Variants in GLS2 observed in about 807,000 individuals in gnomAD.
GLS2 encodes the protein glutaminase 2, also known as glutaminase liver isoform, mitochondrial.
A neutral mutation model predicts 79.0 loss-of-function variants in GLS2; 52 were observed. The observed-to-expected ratio is 0.66, with a 90% CI of 0.53 to 0.83. GLS2 has a LOEUF of 0.83. GLS2 is among the 40% of genes least tolerant of loss of function. GLS2 has a pLI of 0.00. For synonymous variants in GLS2, 238 were observed against 280.8 expected (o/e 0.85, Z 1.52); for missense variants, 561 against 764.8 (o/e 0.73, Z 3.14).
At chr12:56,487,833 A>G in intron 1 of GLS2, 104 bp downstream of exon 1, 1 of 1,276,858 alleles carries the variant, frequency 7.8e-7, no homozygotes, top group Non-Finnish European at 1.1e-6. Context: ...GAGCGAGGAG[A>G]GGGGAGATGA....
chr12:56,471,120 G>A lies in GLS2; in HGVS notation c.*367C>T, dbSNP rs1869223849. 2 of 396,594 alleles carry A rather than the reference G, an allele frequency of 5.0e-6. No homozygotes were observed. Among genetic ancestry groups the A allele is most frequent in the Admixed American group, 4.2e-5 (1 of 24,086 alleles). 24.6% of individuals were successfully genotyped at this position (396,594 alleles called of 1,614,324 possible). The stretch of plus-strand genomic sequence containing the variant: ...TCCCATATTCTGTGGATATGTACAT[G>A]TGCATGGTAGCTAGAGTCCCTCCAC... On this transcript the variant is annotated 3_prime_UTR_variant, in exon 18 of 18. Transcript: ENST00000311966.
chr12:56,472,840 A>C, intron 14 of GLS2, 89 bp from the exon 15 acceptor site: 1 of 1,060,722 alleles, frequency 9.4e-7, no homozygotes, highest in Middle Eastern at 2.0e-4. Flanking sequence ...TGCTTAGTCC[A>C]AGGGTATTGC....
rs376282222 is a variant in GLS2 at position 56,475,018 on chromosome 12, T to C, written c.996+26A>G. 5.0e-6 allele frequency: 8 copies of C among 1,613,940 alleles called. No homozygotes were observed. The African/African-American group carries it at 1.1e-4, about 22-fold the overall frequency. Reference sequence around the variant, plus strand: ...CACTAGCAGCAGAATTCCCAGGGACTTTCTCTTCCGGCCTCTTCTGGTTAC... The same window carrying C: ...CACTAGCAGCAGAATTCCCAGGGACCTTCTCTTCCGGCCTCTTCTGGTTAC... On this transcript the variant is annotated intron_variant, in intron 10 of 17. Transcript: ENST00000311966.
chr12:56,476,631 T>A (rs546737627), intron 7 of GLS2: 1 of 149,952 alleles, frequency 6.7e-6, no homozygotes, highest in South Asian at 2.1e-4. Context: ...TCTTGCTCTG[T>A]CGCCCAGGCT....
At chr12:56,474,774 TC>T in intron 11 of GLS2, 54 bp from the exon 12 acceptor site, 1 of 1,612,510 alleles carries the variant, frequency 6.2e-7, no homozygotes, top group South Asian at 1.1e-5. Context: ...CATGGGACCC[TC>T]GGGTGTAGGG....
At chr12:56,479,630 A>G in intron 3 of GLS2, 150 bp downstream of exon 3, 1 of 919,132 alleles carries the variant, frequency 1.1e-6, no homozygotes. Flanking sequence ...TTGAACTCTT[A>G]TGATGAGTAT....
chr12:56,471,134 G>C lies in GLS2; in HGVS notation c.*353C>G. The C allele has an allele frequency of 2.4e-6, 1 of 408,822 alleles. No individual in the cohort carries two copies. The allele number at this position is 408,822 out of a possible 1,614,324, so 25.3% of individuals were successfully genotyped here. ...GATATGTACATGTGCATGGTAGCTA[G>C]AGTCCCTCCACCAGAGTATCTCTCT... On this transcript the variant is annotated 3_prime_UTR_variant, in exon 18 of 18. Coordinates refer to ENST00000311966, the MANE Select transcript of GLS2 (RefSeq NM_013267.4).
At chr12:56,473,152 G>A in intron 14 of GLS2, 76 bp downstream of exon 14, 2 of 1,374,124 alleles carry the variant, frequency 1.5e-6, no homozygotes, top group Non-Finnish European at 2.1e-6. Context: ...GCCTCTCAAA[G>A]TGCAGGGATT....
chr12:56,477,827 C>A lies in GLS2; in HGVS notation c.778+106G>T. ...AAGACTGCTAGGGAGAAAGGCATGACAGGGCTAATCAGGAAGGGCAGAGAA... is the reference window on the plus strand; with the variant it reads ...AAGACTGCTAGGGAGAAAGGCATGAAAGGGCTAATCAGGAAGGGCAGAGAA... On this transcript the variant is annotated intron_variant, in intron 6 of 17. Coordinates refer to ENST00000311966, the MANE Select transcript of GLS2 (RefSeq NM_013267.4). 3.3e-6 allele frequency: 5 copies of A among 1,536,218 alleles called. No homozygotes were observed. In the East Asian group the frequency reaches 9.0e-5, roughly 28 times the overall value.
At chr12:56,478,606 G>T (rs917588425) in intron 4 of GLS2, 3 of 300,616 alleles carry the variant, frequency 1.0e-5, no homozygotes, top group African/African-American at 6.5e-5. Flanking sequence ...TCTAGGAATC[G>T]TGTATAGAAA....
chr12:56,473,789 A>G (rs1430945880), intron 12 of GLS2, 195 bp from the exon 13 acceptor site: 6 of 645,408 alleles, frequency 9.3e-6, no homozygotes, highest in Non-Finnish European at 4.9e-6. Flanking sequence ...CAGCTAGAAA[A>G]TATTTTTTGA....
chr12:56,482,612 G>C (rs1279033360), intron 1 of GLS2, among the ~76,000 whole-genome samples: 1 of 152,198 alleles, frequency 6.6e-6, no homozygotes, highest in Non-Finnish European at 1.5e-5. Flanking sequence ...CTAGCACACA[G>C]TGGGTCTTCG....
intron 1 of GLS2, among the ~76,000 whole-genome samples, chr12:56,481,928 G>A (rs1870333369): frequency 6.8e-6 from 1 of 146,238 alleles, no homozygotes; most frequent in African/African-American, 2.6e-5. Context: ...GACATCAAAA[G>A]CTCTTTAAAA....
At chr12:56,477,830 G>T in intron 6 of GLS2, 103 bp downstream of exon 6, 1 of 1,540,034 alleles carries the variant, frequency 6.5e-7, no homozygotes, top group Non-Finnish European at 8.8e-7. Flanking sequence ...GGCATGACAG[G>T]GCTAATCAGG....
intron 1 of GLS2, among the ~76,000 whole-genome samples, chr12:56,481,199 C>CTTTTTTTTTTTTTTTTTTTTTT (rs767616017): frequency 1.3e-5 from 1 of 78,986 alleles, no homozygotes; most frequent in Non-Finnish European, 2.3e-5. Flanking sequence ...TGCCAGTGAT[C>CTTTTTTTTTTTTTTTTTTTTTT]TTTTTTTTTT....
In GLS2 at chr12:56,475,634, T is replaced by C; in HGVS notation, c.919A>G (p.Ser307Gly). Residue 307 changes from serine to glycine, a missense_variant, in exon 9 of 18, where the codon AGC becomes GGC. This residue lies in a region of GLS2 where 221 missense variants were observed against 275.6 expected (regional missense o/e 0.80). Coordinates refer to ENST00000311966, the MANE Select transcript of GLS2 (RefSeq NM_013267.4). ...KMAGNEYMGF[S>G]NATFQSEKET... ...TGAGTAGGGACTTACGTGGCATTGC[T>C]GAAACCCATGTATTCATTCCCAGCC... The C allele has an allele frequency of 3.1e-6, 5 of 1,614,172 alleles. No individual in the cohort carries two copies. The highest frequency in any genetic ancestry group is 4.2e-6 in the Non-Finnish European group (5 of 1,180,008).
chr12:56,481,148 C>T (rs1355071589), intron 1 of GLS2, among the ~76,000 whole-genome samples: 1 of 149,210 alleles, frequency 6.7e-6, no homozygotes, highest in African/African-American at 2.5e-5. Context: ...TTTTTTGAGA[C>T]AGAGTTTTGC....
Position 56,477,978 on chromosome 12 carries a change from CTT to C in GLS2, c.731_732del (p.Lys244ArgfsTer14). The C allele has an allele frequency of 6.2e-7, 1 of 1,614,222 alleles. No homozygotes were observed. Among genetic ancestry groups the C allele is most frequent in the East Asian group, 2.2e-5 (1 of 44,894 alleles). On this transcript the variant is annotated frameshift_variant, in exon 6 of 18. Transcript: ENST00000311966. LOFTEE classifies it high-confidence loss of function. ...GTDYVHKFVG[K>X]EPSGLRYNKL... ...TTGTTGTAGCGCAGGCCACTTGGCT[CTT>C]TGCCCACAAACTTGTGCACGTAGTC...
intron 4 of GLS2, 24 bp downstream of exon 4, chr12:56,479,028 C>T (rs1870072980): frequency 6.2e-7 from 1 of 1,610,390 alleles, no homozygotes. Context: ...TCCCTGACCC[C>T]TCCCTTAGTC....
Sources: allele counts gnomAD v4.1 joint callset (sites outside exome capture counted in the v4.1 genomes callset), GRCh38; gene constraint gnomAD v4.1.1; regional missense constraint gnomAD v4.1.1; transcripts MANE v1.5; gene names NCBI Gene and HGNC (gene_info 2026-07-23, HGNC 2026-07-21).